The following FOXP1 variants were observed in gnomAD, a reference collection of about 807,000 sequenced individuals.
The protein encoded by FOXP1 is forkhead box protein P1.
In FOXP1, 15 loss-of-function variants were observed where a neutral mutation model predicts 98.2. The observed-to-expected ratio is 0.15, with a 90% CI of 0.10 to 0.24. The LOEUF (loss-of-function observed/expected upper bound fraction) is 0.24. Ranked by LOEUF, FOXP1 falls within the 10% of genes least tolerant of loss-of-function variation. The pLI, the probability that FOXP1 is intolerant of heterozygous loss-of-function variation, is 1.00. For synonymous variants in FOXP1, 371 were observed against 314.5 expected, an observed-to-expected ratio of 1.18 and a Z score of -1.90; for missense variants, 633 against 848.5, an observed-to-expected ratio of 0.75 and a Z score of 3.15.
chr3:71,420,006 G>A (rs1167303378), intron 3 of FOXP1, among the ~76,000 whole-genome samples: 3 of 151,726 alleles, frequency 2.0e-5, no homozygotes, highest in Admixed American at 6.6e-5. Context: ...TAGTAGAGAC[G>A]GGGTTTCACC....
intron 3 of FOXP1, among the ~76,000 whole-genome samples, chr3:71,368,539 C>G (rs1454649006): frequency 1.3e-5 from 2 of 152,166 alleles, no homozygotes; most frequent in African/African-American, 4.8e-5. Flanking sequence ...GATATATGCA[C>G]AGGCTACAAA....
intron 19 of FOXP1, chr3:70,966,414 AGAATTTTTAT>A (rs1195887930): frequency 2.4e-5 from 8 of 327,120 alleles, no homozygotes; most frequent in South Asian, 5.6e-5. Flanking sequence ...GAAATATAAT[AGAATTTTTAT>A]TTCTTTATCC....
At chr3:71,537,971 A>G (rs565099324) in intron 2 of FOXP1, among the ~76,000 whole-genome samples, 2 of 152,320 alleles carry the variant, frequency 1.3e-5, no homozygotes, top group South Asian at 4.1e-4. Flanking sequence ...TCACTTACAG[A>G]TTGTCTATGG....
intron 3 of FOXP1, among the ~76,000 whole-genome samples, chr3:71,412,914 G>A (rs952492511): frequency 3.3e-5 from 5 of 152,122 alleles, no homozygotes; most frequent in Non-Finnish European, 7.4e-5. Context: ...CTAACCGGCT[G>A]GAGAATTAAT....
intron 5 of FOXP1, among the ~76,000 whole-genome samples, chr3:71,268,215 C>A (rs376731748): frequency 6.6e-6 from 1 of 151,058 alleles, no homozygotes; most frequent in Non-Finnish European, 1.5e-5. Flanking sequence ...CTCAGACTCC[C>A]GAGTAGCTGG....
chr3:71,066,091 C>A (rs1397016072), intron 7 of FOXP1, among the ~76,000 whole-genome samples: 373 of 104,764 alleles, frequency 3.6e-3, no homozygotes, highest in African/African-American at 8.7e-3. Flanking sequence ...TATTTGCCTT[C>A]AAAAAAAAAA....
intron 3 of FOXP1, among the ~76,000 whole-genome samples, chr3:71,451,735 C>A (rs1168616274): frequency 6.6e-6 from 1 of 152,286 alleles, no homozygotes; most frequent in Non-Finnish European, 1.5e-5. Flanking sequence ...GGGACAAACA[C>A]ATCAAGTGGC....
At chr3:71,351,193 A>G (rs1311523623) in intron 4 of FOXP1, among the ~76,000 whole-genome samples, 1 of 152,162 alleles carries the variant, frequency 6.6e-6, no homozygotes, top group African/African-American at 2.4e-5. Flanking sequence ...CAGCCAGAAG[A>G]CTGCCACCAA....
Position 70,994,745 on chromosome 3 carries a change from A to C in FOXP1, c.1062+6227T>G, listed in dbSNP as rs78046596. 6.6e-4 allele frequency among the ~76,000 whole-genome samples: 101 copies of C among 152,350 alleles called. 1 individual carries two copies. In the East Asian group the frequency reaches 0.017, roughly 25 times the overall value. On this transcript the variant is annotated intron_variant, in intron 13 of 20. Transcript: ENST00000649528. ...CCTCCACCCCCGTCGCCTGCCAGGC[A>C]GATCAACCTTGGTTTGGTTGATTCC... is the stretch of plus-strand genomic sequence containing the variant.
intron 6 of FOXP1, among the ~76,000 whole-genome samples, chr3:71,176,355 C>A (rs377258512): frequency 5.9e-5 from 9 of 152,252 alleles, no homozygotes; most frequent in African/African-American, 1.9e-4. Context: ...TACTTACTTG[C>A]AATTTATTAT....
intron 11 of FOXP1, among the ~76,000 whole-genome samples, chr3:71,018,872 GCA>G (rs1454894324): frequency 6.6e-6 from 1 of 152,076 alleles, no homozygotes; most frequent in Non-Finnish European, 1.5e-5. Flanking sequence ...TAATTTTTTT[GCA>G]CACATATGTG....
intron 5 of FOXP1, among the ~76,000 whole-genome samples, chr3:71,234,759 A>T (rs1309665781): frequency 2.6e-5 from 4 of 152,224 alleles, no homozygotes; most frequent in Non-Finnish European, 5.9e-5. Flanking sequence ...GATGATTGAA[A>T]ATGGAAGCAC....
chr3:71,344,869 C>T (rs13066252), intron 4 of FOXP1, among the ~76,000 whole-genome samples: 69,079 of 151,690 alleles, frequency 0.46, 16,484 homozygotes, highest in East Asian at 0.73. Flanking sequence ...CATTTTAGCT[C>T]TGACTTCAGA....
intron 4 of FOXP1, among the ~76,000 whole-genome samples, chr3:71,319,953 C>T (rs991260743): frequency 6.6e-6 from 1 of 152,152 alleles, no homozygotes; most frequent in African/African-American, 2.4e-5. Context: ...GACATCCACT[C>T]CATTCTCTTT....
intron 4 of FOXP1, among the ~76,000 whole-genome samples, chr3:71,357,832 T>C (rs1027286897): frequency 6.6e-6 from 1 of 152,236 alleles, no homozygotes; most frequent in Non-Finnish European, 1.5e-5. Flanking sequence ...TCCCAGATGT[T>C]TTTACGACAG....
chr3:71,103,656 T>G (rs934443443), intron 7 of FOXP1, among the ~76,000 whole-genome samples: 1 of 152,066 alleles, frequency 6.6e-6, no homozygotes, highest in Non-Finnish European at 1.5e-5. Context: ...GACCTCACTG[T>G]GCATGTGTCA....
intron 4 of FOXP1, among the ~76,000 whole-genome samples, chr3:71,315,496 C>T (rs770298275): frequency 2.0e-5 from 3 of 152,066 alleles, no homozygotes; most frequent in Non-Finnish European, 4.4e-5. Context: ...GCCTCAGTTG[C>T]GTGACCCAGA....
At chr3:70,992,842 ACT>A (rs1270373381) in intron 13 of FOXP1, among the ~76,000 whole-genome samples, 2 of 151,706 alleles carry the variant, frequency 1.3e-5, no homozygotes, top group African/African-American at 4.8e-5. Flanking sequence ...AAACCCAGAG[ACT>A]CTCTCTCTTC....
At chr3:71,395,553 G>A (rs2081323882) in intron 3 of FOXP1, among the ~76,000 whole-genome samples, 1 of 151,596 alleles carries the variant, frequency 6.6e-6, no homozygotes, top group South Asian at 2.1e-4. Flanking sequence ...TGGCCCAGGG[G>A]CACTCCTTAT....
Sources: gnomAD v4.1 joint callset for allele counts (sites outside exome capture counted in the v4.1 genomes callset) on GRCh38, gnomAD v4.1.1 for gene constraint, MANE v1.5 for transcripts, NCBI Gene and HGNC (gene_info 2026-07-23, HGNC 2026-07-21) for gene names.